The following XPO6 variants were observed in gnomAD, a reference collection of about 807,000 sequenced individuals.
XPO6 encodes exportin-6.
In XPO6, 3 loss-of-function variants were observed where a neutral mutation model predicts 130.0. That is an observed-to-expected ratio of 0.02 (90% CI 0.01 to 0.06). The LOEUF (loss-of-function observed/expected upper bound fraction) is 0.06, where lower values mean the gene tolerates loss of function less well. Ranked by LOEUF, XPO6 falls within the 10% of genes least tolerant of loss-of-function variation. The pLI, the probability that XPO6 is intolerant of heterozygous loss-of-function variation, is 1.00. For synonymous variants in XPO6, 524 were observed against 548.9 expected (o/e 0.95, Z 0.63); for missense variants, 970 against 1,393.0 (o/e 0.70, Z 4.83).
chr16:28,159,585 G>T (rs1280407176), intron 6 of XPO6, among the ~76,000 whole-genome samples: 1 of 152,156 alleles, frequency 6.6e-6, no homozygotes, highest in African/African-American at 2.4e-5. Context: ...AAGGAATGGA[G>T]AAGCTGTAGC....
At chr16:28,128,152 G>A (rs1341072328) in intron 12 of XPO6, among the ~76,000 whole-genome samples, 1 of 152,180 alleles carries the variant, frequency 6.6e-6, no homozygotes, top group Admixed American at 6.5e-5. Flanking sequence ...TACACCCTCT[G>A]AATGTCAATG....
intron 1 of XPO6, among the ~76,000 whole-genome samples, chr16:28,210,455 G>C (rs114068380): frequency 1.9e-3 from 292 of 152,338 alleles, no homozygotes; most frequent in African/African-American, 6.6e-3. Context: ...TATGTGCCAG[G>C]AGCTGGAGCA....
intron 5 of XPO6, chr16:28,166,913 T>C: frequency 1.3e-6 from 1 of 794,966 alleles, no homozygotes; most frequent in Non-Finnish European, 1.5e-6. Flanking sequence ...TACAGGCCAT[T>C]GCCTAAACCC....
chr16:28,134,657 T>C (rs2042740973), intron 10 of XPO6, among the ~76,000 whole-genome samples: 1 of 152,202 alleles, frequency 6.6e-6, no homozygotes, highest in Non-Finnish European at 1.5e-5. Context: ...GCAGCAGTTA[T>C]TTGAAAAATT....
intron 5 of XPO6, chr16:28,167,029 A>G: frequency 1.4e-6 from 1 of 693,300 alleles, no homozygotes; most frequent in Non-Finnish European, 1.8e-6. Flanking sequence ...TGAGTCATTT[A>G]AACACACGTT....
At chr16:28,109,550 C>T (rs1363728510) in intron 17 of XPO6, among the ~76,000 whole-genome samples, 1 of 152,094 alleles carries the variant, frequency 6.6e-6, no homozygotes, top group Admixed American at 6.5e-5. Flanking sequence ...AATGCGAACA[C>T]GAACATGCAC....
At chr16:28,156,559 G>A in intron 6 of XPO6, 32 bp from the exon 7 acceptor site, 2 of 1,473,004 alleles carry the variant, frequency 1.4e-6, no homozygotes, top group East Asian at 2.3e-5. Context: ...AAGCTATCCA[G>A]CATCAAATCT....
chr16:28,107,116 T>C (rs543291134), intron 18 of XPO6, among the ~76,000 whole-genome samples: 1 of 152,322 alleles, frequency 6.6e-6, no homozygotes, highest in Admixed American at 6.5e-5. Flanking sequence ...GATATTTCTC[T>C]TGTAAAACTG....
At chr16:28,202,561 G>C (rs1303482681) in intron 1 of XPO6, among the ~76,000 whole-genome samples, 1 of 152,198 alleles carries the variant, frequency 6.6e-6, no homozygotes, top group Non-Finnish European at 1.5e-5. Flanking sequence ...TCTGGAAGCA[G>C]GGGGGCGCTA....
intron 12 of XPO6, among the ~76,000 whole-genome samples, chr16:28,129,219 C>T (rs1342346938): frequency 6.6e-6 from 1 of 152,198 alleles, no homozygotes; most frequent in Non-Finnish European, 1.5e-5. Flanking sequence ...GGCAGACAAT[C>T]GCATGGGCAA....
At chr16:28,118,235 T>G (rs1217552244) in intron 14 of XPO6, among the ~76,000 whole-genome samples, 1 of 152,242 alleles carries the variant, frequency 6.6e-6, no homozygotes, top group African/African-American at 2.4e-5. Flanking sequence ...AAATCAGTAT[T>G]ACATTGGTGG....
At position 28,132,240 on chromosome 16, in the gene XPO6, A is replaced by T; in HGVS notation, c.1606+94T>A. ...GCCAGTGGGGAGGCTGCAGTGAAGA[A>T]ATCATGTTCCGACAGCAACGGCAGC... On this transcript the variant is annotated intron_variant, in intron 12 of 23. Coordinates refer to ENST00000304658, the MANE Select transcript of XPO6 (RefSeq NM_015171.4). This position sits in a 1 kb window ranked among gnomAD's most constrained non-coding sequence, Gnocchi z 4.0. The T allele has an allele frequency of 1.0e-6, 1 of 972,070 alleles. No individual in the cohort carries two copies. The highest frequency in any genetic ancestry group is 1.6e-6 in the Non-Finnish European group (1 of 637,002). 60.2% of individuals were successfully genotyped at this position (972,070 alleles called of 1,614,324 possible). A position where few individuals can be genotyped will look rare whatever the true frequency, so the allele number is the denominator to read the frequency against.
intron 1 of XPO6, among the ~76,000 whole-genome samples, chr16:28,185,959 G>A (rs1250941445): frequency 6.6e-6 from 1 of 152,154 alleles, no homozygotes; most frequent in East Asian, 1.9e-4. Flanking sequence ...TTGCAACTGT[G>A]CCTGCCCTGA....
At chr16:28,192,262 C>CA (rs11429447) in intron 1 of XPO6, among the ~76,000 whole-genome samples, 128 of 82,364 alleles carry the variant, frequency 1.6e-3, no homozygotes, top group Admixed American at 2.2e-3. Context: ...GACTCCGTCT[C>CA]AAAAAAAAAA....
At chr16:28,111,670 C>A (rs1191638438) in intron 17 of XPO6, 147 bp downstream of exon 17, 2 of 776,782 alleles carry the variant, frequency 2.6e-6, no homozygotes, top group Non-Finnish European at 3.9e-6. Context: ...AGGATCCCAC[C>A]CCCAAGTATG....
intron 15 of XPO6, among the ~76,000 whole-genome samples, chr16:28,113,254 T>C (rs924187446): frequency 1.3e-5 from 2 of 152,144 alleles, no homozygotes; most frequent in African/African-American, 2.4e-5. Flanking sequence ...CCGCAGCCAT[T>C]ATCACCTCCT....
intron 1 of XPO6, among the ~76,000 whole-genome samples, chr16:28,195,274 G>A (rs982185196): frequency 5.3e-5 from 8 of 152,060 alleles, no homozygotes; most frequent in Admixed American, 3.3e-4. Context: ...TGTCAATGCC[G>A]TTTGTAAAAC....
chr16:28,111,767 A>T, intron 17 of XPO6, 50 bp downstream of exon 17: 1 of 1,592,238 alleles, frequency 6.3e-7, no homozygotes, highest in Non-Finnish European at 8.6e-7. Context: ...CACAAAGAAC[A>T]ATGCCTGCCT....
At chr16:28,133,516 A>C (rs2042715740) in intron 11 of XPO6, among the ~76,000 whole-genome samples, 1 of 152,192 alleles carries the variant, frequency 6.6e-6, no homozygotes, top group African/African-American at 2.4e-5. Context: ...GAGCTTTACA[A>C]AGGCCAGCTT....
Sources: allele counts gnomAD v4.1 joint callset (sites outside exome capture counted in the v4.1 genomes callset), GRCh38; gene constraint gnomAD v4.1.1; non-coding constraint Gnocchi (gnomAD v3.1); transcripts MANE v1.5; gene names NCBI Gene and HGNC (gene_info 2026-07-23, HGNC 2026-07-21).